TET2: variants seen among roughly 807,000 people sequenced by gnomAD.
The protein encoded by TET2 is tet methylcytosine dioxygenase 2, also known as methylcytosine dioxygenase TET2.
A neutral mutation model predicts 142.9 loss-of-function variants in TET2; 299 were observed. The observed-to-expected ratio is 2.09, with a 90% CI of 1.90 to 2.30. The LOEUF is 2.30. TET2 is among the 30% of genes most tolerant of loss of function. TET2 has a pLI of 0.00. For synonymous variants in TET2, 819 were observed against 849.0 expected (o/e 0.96, Z 0.61); for missense variants, 2,418 against 2,378.0 (o/e 1.02, Z -0.35).
intron 8 of TET2, among the ~76,000 whole-genome samples, chr4:105,268,096 CAATA>C (rs1418757606): frequency 7.9e-5 from 12 of 151,854 alleles, no homozygotes; most frequent in African/African-American, 2.2e-4. Context: ...TGCAGTAAGG[CAATA>C]AATAAAGCAG....
chr4:105,256,463 G>T (rs1560561392), intron 6 of TET2, among the ~76,000 whole-genome samples: 1 of 152,060 alleles, frequency 6.6e-6, no homozygotes, highest in East Asian at 1.9e-4. Context: ...TCTGATCAGA[G>T]ATCAGCTATT....
rs115186339 is a variant in TET2, at chr4:105,179,207, T to C, written c.-192-11153T>C. On this transcript the variant is annotated intron_variant, in intron 1 of 10. Transcript: ENST00000380013. ...GGTGGGGACACAAAGCCTAACCATA[T>C]CAGTGATAAAACTATGTCTTTTCTT... Among the ~76,000 whole-genome samples, 376 of 152,336 alleles carry C rather than the reference T, an allele frequency of 2.5e-3. 3 individuals are homozygous for C. The highest frequency in any genetic ancestry group is 8.8e-3 in the African/African-American group (364 of 41,576).
chr4:105,203,170 G>C (rs1418087672), intron 2 of TET2, among the ~76,000 whole-genome samples: 1 of 152,158 alleles, frequency 6.6e-6, no homozygotes, highest in Non-Finnish European at 1.5e-5. Flanking sequence ...TTTCAAATTG[G>C]TTCCTTTAAG....
At chr4:105,267,528 C>A (rs1362864608) in intron 8 of TET2, among the ~76,000 whole-genome samples, 3 of 118,412 alleles carry the variant, frequency 2.5e-5, no homozygotes, top group Non-Finnish European at 3.5e-5. Flanking sequence ...ACACTGTGTA[C>A]CTTAAACCAC....
intron 8 of TET2, among the ~76,000 whole-genome samples, chr4:105,263,067 GGAGACA>G (rs919213419): frequency 1.3e-5 from 2 of 150,988 alleles, no homozygotes; most frequent in African/African-American, 4.9e-5. Flanking sequence ...CTTCTTTAGT[GGAGACA>G]GAGACATATA....
intron 2 of TET2, among the ~76,000 whole-genome samples, chr4:105,215,260 C>A (rs1374986518): frequency 6.6e-6 from 1 of 152,022 alleles, no homozygotes; most frequent in Non-Finnish European, 1.5e-5. Context: ...CTACATGAGA[C>A]CTTTTTATAA....
At chr4:105,267,330 C>G (rs1489062522) in intron 8 of TET2, among the ~76,000 whole-genome samples, 1 of 151,700 alleles carries the variant, frequency 6.6e-6, no homozygotes, top group African/African-American at 2.4e-5. Context: ...AAATAGTAAA[C>G]ATGGTTAAAA....
intron 1 of TET2, among the ~76,000 whole-genome samples, chr4:105,159,135 GT>G (rs1723709395): frequency 6.6e-6 from 1 of 152,050 alleles, no homozygotes; most frequent in African/African-American, 2.4e-5. Flanking sequence ...CTCTGATAGG[GT>G]CATGAACCAA....
chr4:105,157,318 T>G (rs1380531970), intron 1 of TET2, among the ~76,000 whole-genome samples: 1 of 152,158 alleles, frequency 6.6e-6, no homozygotes, highest in Non-Finnish European at 1.5e-5. Flanking sequence ...CCATATAAAT[T>G]ATTTATTTTA....
rs1313230467 is a variant in TET2, at chr4:105,275,190, T to C, written c.4680T>C (p.Tyr1560=). 5.2e-6 allele frequency: 8 copies of C among 1,552,198 alleles called. No individual in the cohort carries two copies. The highest frequency in any genetic ancestry group is 2.4e-5 in the East Asian group (1 of 40,932). Residue 1560 remains tyrosine (Y), a synonymous_variant, in exon 11 of 11, where the codon TAT becomes TAC. Transcript: ENST00000380013. ...CTCAGACAGAGTCTGTCAACTCTTATTCTGCTTCTGGATCCACCAATCCAT... is the reference window on the plus strand; with the variant it reads ...CTCAGACAGAGTCTGTCAACTCTTACTCTGCTTCTGGATCCACCAATCCAT... ...HHPQTESVNS[Y]SASGSTNPYM...
At chr4:105,203,616 T>G (rs1484653382) in intron 2 of TET2, among the ~76,000 whole-genome samples, 2 of 151,354 alleles carry the variant, frequency 1.3e-5, no homozygotes, top group African/African-American at 2.4e-5. Flanking sequence ...TACATTACGT[T>G]TTGTATACCA....
chr4:105,207,131 TAGAAG>T (rs1443205334), intron 2 of TET2, among the ~76,000 whole-genome samples: 2 of 152,202 alleles, frequency 1.3e-5, no homozygotes, highest in Non-Finnish European at 2.9e-5. Context: ...TAAATTTTAC[TAGAAG>T]AGGTGACTGA....
intron 1 of TET2, among the ~76,000 whole-genome samples, chr4:105,153,487 G>A (rs1414475803): frequency 1.3e-5 from 2 of 152,154 alleles, no homozygotes; most frequent in African/African-American, 4.8e-5. Context: ...TTTCTTAAAA[G>A]TCCTTTTTTT....
At chr4:105,219,364 T>G (rs1008749666) in intron 2 of TET2, among the ~76,000 whole-genome samples, 5 of 152,122 alleles carry the variant, frequency 3.3e-5, no homozygotes, top group African/African-American at 1.2e-4. Flanking sequence ...TTTATTCAAG[T>G]CTGTACAAAA....
chr4:105,233,746 A>G lies in TET2; in HGVS notation c.-46-151A>G, dbSNP rs1728648512. ...TCCTGAGTAGCTGTCAGTTGTCACT[A>G]TGAAACATGAAAATAAATATCAGTT... On this transcript the variant is annotated intron_variant, in intron 2 of 10. Transcript: ENST00000380013. 5.6e-6 allele frequency: 3 copies of G among 534,646 alleles called. No homozygotes were observed. The East Asian group carries it at 9.4e-5, about 17-fold the overall frequency. 33.1% of individuals were successfully genotyped at this position (534,646 alleles called of 1,614,324 possible).
chr4:105,216,221 C>T (rs995702725), intron 2 of TET2, among the ~76,000 whole-genome samples: 5 of 152,038 alleles, frequency 3.3e-5, no homozygotes, highest in East Asian at 1.9e-4. Flanking sequence ...TTTAAAGCCA[C>T]GCTGACTAAA....
chr4:105,238,848 C>T (rs1324412183), intron 3 of TET2: 2 of 238,872 alleles, frequency 8.4e-6, no homozygotes, highest in Non-Finnish European at 1.8e-5. Flanking sequence ...ATGTACTTTG[C>T]CCGGATCCAT....
At chr4:105,254,975 T>G (rs1730050483) in intron 6 of TET2, among the ~76,000 whole-genome samples, 1 of 152,216 alleles carries the variant, frequency 6.6e-6, no homozygotes, top group Admixed American at 6.5e-5. Context: ...CTACAGAGGT[T>G]TCTGCTCCAG....
chr4:105,171,146 A>G (rs1308392531), intron 1 of TET2, among the ~76,000 whole-genome samples: 2 of 151,984 alleles, frequency 1.3e-5, no homozygotes, highest in Non-Finnish European at 2.9e-5. Flanking sequence ...GGAGCATTTC[A>G]GTGTTATTTC....
Sources: gnomAD v4.1 joint callset for allele counts (sites outside exome capture counted in the v4.1 genomes callset) on GRCh38, gnomAD v4.1.1 for gene constraint, MANE v1.5 for transcripts, NCBI Gene and HGNC (gene_info 2026-07-23, HGNC 2026-07-21) for gene names.